ZFHX3: variants seen among roughly 807,000 people sequenced by gnomAD.
ZFHX3 encodes the protein zinc finger homeobox protein 3.
ZFHX3 carries 42 observed loss-of-function variants against 279.1 expected under a neutral mutation model. The observed-to-expected ratio is 0.15, with a 90% CI of 0.12 to 0.19. The LOEUF is 0.19. Among genes scored for constraint, ZFHX3 ranks in the 10% least tolerant of loss-of-function variants. The pLI is 1.00. For synonymous variants in ZFHX3, 2,293 were observed against 1,957.8 expected (o/e 1.17, Z -4.52); for missense variants, 4,981 against 4,754.0 (o/e 1.05, Z -1.40).
At chr16:73,868,193 A>C (rs972032394) in intron 1 of ZFHX3, among the ~76,000 whole-genome samples, 1 of 152,258 alleles carries the variant, frequency 6.6e-6, no homozygotes, top group Non-Finnish European at 1.5e-5. Flanking sequence ...CCTGATGGTG[A>C]AATCTACAGT....
chr16:73,865,440 C>T (rs113343158), intron 1 of ZFHX3, among the ~76,000 whole-genome samples: 20 of 152,274 alleles, frequency 1.3e-4, no homozygotes, highest in African/African-American at 2.9e-4. Context: ...GAAGCCTGCA[C>T]GCCATGTGTT....
intron 1 of ZFHX3, among the ~76,000 whole-genome samples, chr16:72,962,993 G>A (rs564027644): frequency 1.4e-4 from 22 of 152,322 alleles, no homozygotes; most frequent in African/African-American, 5.3e-4. Flanking sequence ...CTCTCGCTCT[G>A]TTTATCAGCC....
intron 2 of ZFHX3, among the ~76,000 whole-genome samples, chr16:73,650,609 C>A (rs1224407264): frequency 6.6e-6 from 1 of 152,206 alleles, no homozygotes; most frequent in African/African-American, 2.4e-5. Flanking sequence ...TCCAAAATCA[C>A]TTCCACCCTT....
At chr16:73,075,389 G>C (rs1281815939) in intron 8 of ZFHX3, among the ~76,000 whole-genome samples, 1 of 152,178 alleles carries the variant, frequency 6.6e-6, no homozygotes, top group Non-Finnish European at 1.5e-5. Context: ...GGCTGGGCTA[G>C]AATGGCGTAA....
chr16:73,209,703 A>T (rs1270546325), intron 5 of ZFHX3, among the ~76,000 whole-genome samples: 2 of 152,190 alleles, frequency 1.3e-5, no homozygotes, highest in African/African-American at 4.8e-5. Context: ...TAACAGAAGG[A>T]TGCTAGATTC....
intron 7 of ZFHX3, among the ~76,000 whole-genome samples, chr16:73,112,194 G>A (rs1018500897): frequency 2.0e-5 from 3 of 149,290 alleles, no homozygotes; most frequent in Non-Finnish European, 2.9e-5. Context: ...AGAGGGATAA[G>A]AAGGAGAGAA....
intron 3 of ZFHX3, among the ~76,000 whole-genome samples, chr16:72,892,528 G>A (rs1307286240): frequency 6.9e-6 from 1 of 145,736 alleles, no homozygotes; most frequent in South Asian, 2.2e-4. Flanking sequence ...TTTTTTTTGA[G>A]ACAGGGTCTC....
chr16:73,122,218 T>A (rs1400490932), intron 7 of ZFHX3, among the ~76,000 whole-genome samples: 1 of 152,068 alleles, frequency 6.6e-6, no homozygotes, highest in African/African-American at 2.4e-5. Flanking sequence ...CTGCTCTTTT[T>A]TTTTTAAGAT....
intron 3 of ZFHX3, among the ~76,000 whole-genome samples, chr16:73,343,889 A>T (rs772062705): frequency 1.4e-4 from 22 of 152,230 alleles, no homozygotes; most frequent in Non-Finnish European, 2.8e-4. Context: ...TAAATATATC[A>T]TTAATGGAGA....
At chr16:73,018,691 GTGT>G (rs1201515054) in intron 1 of ZFHX3, among the ~76,000 whole-genome samples, 1 of 152,168 alleles carries the variant, frequency 6.6e-6, no homozygotes, top group East Asian at 1.9e-4. Flanking sequence ...GCTTGGCTGT[GTGT>G]TATCATACTC....
At chr16:73,885,875 A>G (rs1019876237) in intron 1 of ZFHX3, among the ~76,000 whole-genome samples, 1 of 152,150 alleles carries the variant, frequency 6.6e-6, no homozygotes, top group African/African-American at 2.4e-5. Context: ...ACGCCCATCA[A>G]AAAGCAGTAA....
intron 2 of ZFHX3, among the ~76,000 whole-genome samples, chr16:73,644,210 A>G (rs925352375): frequency 6.6e-6 from 1 of 152,068 alleles, no homozygotes; most frequent in Admixed American, 6.6e-5. Context: ...AAATGCAAAC[A>G]CATGTTGATG....
In ZFHX3 at chr16:72,783,350, G is replaced by GTATC. The variant is rs2035204797; in HGVS notation, c.*3810_*3813dup. ...TCAAAGCTTTGTTTCACAGTGGGCA[G>GTATC]TATCTCAGCGCCAACAAACAACTCA... On this transcript the variant is annotated 3_prime_UTR_variant, in exon 10 of 10. Transcript: ENST00000268489. The GTATC allele has an allele frequency of 1.3e-5, 2 of 152,218 alleles. No homozygotes were observed. Among genetic ancestry groups the GTATC allele is most frequent in the Middle Eastern group, 3.2e-3 (1 of 316 alleles). 9.4% of individuals were successfully genotyped at this position (152,218 alleles called of 1,614,324 possible).
At chr16:73,050,368 T>C (rs1965427415), upstream of ZFHX3, among the ~76,000 whole-genome samples, 1 of 152,190 alleles carries the variant, frequency 6.6e-6, no homozygotes, top group Non-Finnish European at 1.5e-5. Context: ...AGAGTGACCC[T>C]GAGTTCCTTT....
At chr16:72,935,733 T>TA (rs35586166) in intron 3 of ZFHX3, among the ~76,000 whole-genome samples, 15,097 of 141,028 alleles carry the variant, frequency 0.11, 884 homozygotes, top group African/African-American at 0.17. Flanking sequence ...CACTCTGTCT[T>TA]AAAAAAAAAA....
intron 5 of ZFHX3, among the ~76,000 whole-genome samples, chr16:73,156,166 A>G (rs1334479924): frequency 6.9e-6 from 1 of 145,926 alleles, no homozygotes; most frequent in Non-Finnish European, 1.5e-5. Flanking sequence ...CGGGAGGCAG[A>G]GCTTGCAGTG....
chr16:73,103,156 C>T (rs1278687266), intron 7 of ZFHX3, among the ~76,000 whole-genome samples: 6 of 152,226 alleles, frequency 3.9e-5, no homozygotes, highest in South Asian at 2.1e-4. Flanking sequence ...AACTCCTGAC[C>T]GCAAGTGATC....
At chr16:73,196,987 G>T (rs1478779585) in intron 5 of ZFHX3, among the ~76,000 whole-genome samples, 1 of 152,082 alleles carries the variant, frequency 6.6e-6, no homozygotes, top group African/African-American at 2.4e-5. Flanking sequence ...GCACGACTTG[G>T]AACACCACCA....
chr16:73,120,650 C>CT (rs1174733016), intron 7 of ZFHX3, among the ~76,000 whole-genome samples: 3,955 of 110,258 alleles, frequency 0.036, 508 homozygotes, highest in African/African-American at 0.14. Flanking sequence ...TCCTCTCTAC[C>CT]TTTTTTTTTT....
Sources: gnomAD v4.1 joint callset for allele counts (sites outside exome capture counted in the v4.1 genomes callset) on GRCh38, gnomAD v4.1.1 for gene constraint, MANE v1.5 for transcripts, NCBI Gene and HGNC (gene_info 2026-07-23, HGNC 2026-07-21) for gene names.